MACC1: variants seen among roughly 807,000 people sequenced by gnomAD.
The protein encoded by MACC1 is metastasis-associated in colon cancer protein 1.
MACC1 carries 79 observed loss-of-function variants against 70.7 expected under a neutral mutation model. The ratio of observed to expected loss-of-function variants is 1.12; its 90% CI spans 0.93 to 1.35. The LOEUF is 1.35. Among genes scored for constraint, MACC1 ranks in the 40% most tolerant of loss-of-function variants. The pLI, the probability that MACC1 is intolerant of heterozygous loss-of-function variation, is 0.00. For missense variants in MACC1, 1,106 were observed against 978.1 expected, an observed-to-expected ratio of 1.13 and a Z score of -1.74; for synonymous variants, 361 against 347.2, an observed-to-expected ratio of 1.04 and a Z score of -0.44.
At chr7:20,151,078 A>T (rs991948498) in intron 6 of MACC1, among the ~76,000 whole-genome samples, 20 of 151,860 alleles carry the variant, frequency 1.3e-4, no homozygotes, top group Non-Finnish European at 2.4e-4. Context: ...AAAGAAAGGA[A>T]GTGAAACTTT....
chr7:20,209,738 G>C (rs898941026), intron 1 of MACC1, among the ~76,000 whole-genome samples: 2 of 152,154 alleles, frequency 1.3e-5, no homozygotes, highest in African/African-American at 2.4e-5. Flanking sequence ...ATGAGATTTG[G>C]GGCAGGGGTG....
At chr7:20,174,271 G>A (rs1290245696) in intron 1 of MACC1, among the ~76,000 whole-genome samples, 1 of 152,158 alleles carries the variant, frequency 6.6e-6, no homozygotes. Context: ...GTGTTGGGAA[G>A]CTTTCCCCAA....
chr7:20,182,054 A>G (rs186566489), intron 1 of MACC1, among the ~76,000 whole-genome samples: 5,873 of 151,868 alleles, frequency 0.039, 223 homozygotes, highest in African/African-American at 0.095. Context: ...ACATGGATGA[A>G]GCTGGAAACC....
At chr7:20,160,417 A>G (rs1782125059) in intron 4 of MACC1, among the ~76,000 whole-genome samples, 172 bp from the exon 5 acceptor site, 1 of 152,152 alleles carries the variant, frequency 6.6e-6, no homozygotes, top group Non-Finnish European at 1.5e-5. Flanking sequence ...TCAAATTTAT[A>G]TGTAATGAGA....
At chr7:20,191,692 C>T (rs994735972) in intron 1 of MACC1, among the ~76,000 whole-genome samples, 5 of 152,186 alleles carry the variant, frequency 3.3e-5, no homozygotes, top group African/African-American at 1.2e-4. Flanking sequence ...CGCTTTCTCT[C>T]GTCTTCATTT....
intron 1 of MACC1, among the ~76,000 whole-genome samples, chr7:20,194,461 GC>G (rs748556169): frequency 2.0e-5 from 3 of 152,094 alleles, no homozygotes; most frequent in Non-Finnish European, 4.4e-5. Flanking sequence ...ATTTTAATCT[GC>G]CCCCATGGCA....
At chr7:20,152,349 T>C (rs1473495031) in intron 6 of MACC1, among the ~76,000 whole-genome samples, 1 of 152,194 alleles carries the variant, frequency 6.6e-6, no homozygotes, top group Non-Finnish European at 1.5e-5. Flanking sequence ...CAGTGTGCTT[T>C]GAAATCAACT....
At chr7:20,144,267 G>A (rs1410842544) in intron 6 of MACC1, among the ~76,000 whole-genome samples, 1 of 152,182 alleles carries the variant, frequency 6.6e-6, no homozygotes. Flanking sequence ...AGCGTAGGAA[G>A]GAGATAGACA....
intron 6 of MACC1, among the ~76,000 whole-genome samples, chr7:20,146,215 G>C (rs765178301): frequency 2.6e-5 from 4 of 151,540 alleles, no homozygotes; most frequent in Non-Finnish European, 5.9e-5. Flanking sequence ...TAATCGTCCA[G>C]GTCTCTTCAA....
chr7:20,154,102 G>C, intron 6 of MACC1, 91 bp downstream of exon 6: 2 of 1,317,338 alleles, frequency 1.5e-6, no homozygotes, highest in African/African-American at 1.4e-5. Context: ...CATTCCCCCA[G>C]TGAATCCGTG....
At chr7:20,214,339 C>G (rs1004689395) in intron 1 of MACC1, among the ~76,000 whole-genome samples, 1 of 152,132 alleles carries the variant, frequency 6.6e-6, no homozygotes, top group South Asian at 2.1e-4. Context: ...CACATAAAAA[C>G]AGCCCATTCA....
rs1781782374 is a variant in MACC1 at position 20,140,619 on chromosome 7, T to G, written c.*327A>C. ...TGAAAGAGAGAGAGGGCACTTTTCT[T>G]TTTTCTTTCCTTTCTAAGAACAAAG... is the stretch of plus-strand genomic sequence containing the variant. On this transcript the variant is annotated 3_prime_UTR_variant, in exon 7 of 7. Coordinates refer to ENST00000400331, the MANE Select transcript of MACC1 (RefSeq NM_182762.4). 9.2e-6 allele frequency: 2 copies of G among 216,876 alleles called. No individual in the cohort carries two copies. The highest frequency in any genetic ancestry group is 1.8e-5 in the Non-Finnish European group (2 of 111,414). The allele number at this position is 216,876 out of a possible 1,614,324, so 13.4% of individuals were successfully genotyped here.
At chr7:20,204,745 T>G (rs530417437) in intron 1 of MACC1, among the ~76,000 whole-genome samples, 35 of 152,340 alleles carry the variant, frequency 2.3e-4, no homozygotes, top group Non-Finnish European at 4.3e-4. Flanking sequence ...AAAATTGCAT[T>G]CACACTGTAA....
chr7:20,166,807 A>G (rs370827308), intron 2 of MACC1, among the ~76,000 whole-genome samples: 1 of 152,286 alleles, frequency 6.6e-6, no homozygotes, highest in Non-Finnish European at 1.5e-5. Context: ...ACTTCTTTCT[A>G]TCTTATTATC....
chr7:20,135,196 A>T lies in MACC1; in HGVS notation c.*5750T>A, dbSNP rs1583372650. ...ATATATTTTGTAAAATTATCTTAAA[A>T]TTATACTGAATACATGTCCCAAATT... On this transcript the variant is annotated 3_prime_UTR_variant, in exon 7 of 7. Transcript: ENST00000400331. 6.6e-6 allele frequency: 1 copy of T among 152,244 alleles called. No individual in the cohort carries two copies. The highest frequency in any genetic ancestry group is 1.5e-5 in the Non-Finnish European group (1 of 68,042). The allele number at this position is 152,244 out of a possible 1,614,324, so 9.4% of individuals were successfully genotyped here.
intron 1 of MACC1, chr7:20,185,168 A>C (rs1782567268): frequency 6.6e-6 from 1 of 152,208 alleles, no homozygotes; most frequent in Non-Finnish European, 1.5e-5. Flanking sequence ...GTTATTTGTT[A>C]TTTGAACAGA....
chr7:20,177,063 C>G (rs1782404324), intron 1 of MACC1, among the ~76,000 whole-genome samples: 1 of 152,090 alleles, frequency 6.6e-6, no homozygotes, highest in African/African-American at 2.4e-5. Context: ...ACACCTTGTA[C>G]AAGTGTCAAT....
At chr7:20,195,768 C>G (rs1369172570) in intron 1 of MACC1, among the ~76,000 whole-genome samples, 1 of 152,130 alleles carries the variant, frequency 6.6e-6, no homozygotes, top group Non-Finnish European at 1.5e-5. Flanking sequence ...TAATACTGCT[C>G]ATCTTGAGGC....
chr7:20,212,461 A>G (rs939498224), intron 1 of MACC1, among the ~76,000 whole-genome samples: 1 of 152,168 alleles, frequency 6.6e-6, no homozygotes, highest in African/African-American at 2.4e-5. Context: ...GGGAGGAAAG[A>G]GTCAGCATGC....
Sources: allele counts gnomAD v4.1 joint callset (sites outside exome capture counted in the v4.1 genomes callset), GRCh38; gene constraint gnomAD v4.1.1; transcripts MANE v1.5; gene names NCBI Gene and HGNC (gene_info 2026-07-23, HGNC 2026-07-21).